DOCK5: variants seen among roughly 807,000 people sequenced by gnomAD.
DOCK5 encodes dedicator of cytokinesis protein 5.
Under a neutral mutation model 251.8 loss-of-function variants are expected in DOCK5, and 142 were observed. The observed-to-expected ratio is 0.56, with a 90% CI of 0.49 to 0.65. The LOEUF (loss-of-function observed/expected upper bound fraction) is 0.65, where lower values mean the gene tolerates loss of function less well. Ranked by LOEUF, DOCK5 falls within the 30% of genes least tolerant of loss-of-function variation. DOCK5 has a pLI of 0.00. For missense variants in DOCK5, 2,111 were observed against 2,312.3 expected (o/e 0.91, Z 1.79); for synonymous variants, 842 against 835.5 (o/e 1.01, Z -0.13).
intron 8 of DOCK5, 120 bp downstream of exon 8, chr8:25,299,221 T>C: frequency 2.6e-6 from 3 of 1,173,630 alleles, no homozygotes; most frequent in Non-Finnish European, 3.5e-6. Flanking sequence ...CATGGAAGAT[T>C]TCTAAGCAGT....
At chr8:25,342,253 C>T (rs1423916580) in intron 24 of DOCK5, 148 bp from the exon 25 acceptor site, 10 of 582,910 alleles carry the variant, frequency 1.7e-5, no homozygotes. Context: ...ATCTCCCTTG[C>T]TGCCATGTCA....
chr8:25,356,035 C>A (rs149561109), intron 27 of DOCK5, among the ~76,000 whole-genome samples: 303 of 132,340 alleles, frequency 2.3e-3, no homozygotes, highest in Middle Eastern at 8.1e-3. Flanking sequence ...TATTAAAATA[C>A]AAAAAAAAAA....
chr8:25,184,728 CGGCGCGGGCACGGGCACG>C lies in DOCK5; in HGVS notation c.-171_-154del, dbSNP rs984705093. 2.8e-4 allele frequency: 88 copies of C among 315,986 alleles called. No homozygotes were observed. The highest frequency in any genetic ancestry group is 1.6e-3 in the African/African-American group (68 of 43,502). The allele number at this position is 315,986 out of a possible 1,614,324, so 19.6% of individuals were successfully genotyped here. On this transcript the variant is annotated 5_prime_UTR_variant, in exon 1 of 52. Transcript: ENST00000276440. ...GCCCGGCCCAGCAGGTGACCGCGGGCGGCGCGGGCACGGGCACGGGCGCGGGCGGCGCGGCGAGGAGGC... is the reference window on the plus strand; with the variant it reads ...GCCCGGCCCAGCAGGTGACCGCGGGCGGCGCGGGCGGCGCGGCGAGGAGGC...
chr8:25,221,202 C>G (rs758169353), intron 1 of DOCK5, among the ~76,000 whole-genome samples: 7 of 152,186 alleles, frequency 4.6e-5, no homozygotes, highest in South Asian at 2.1e-4. Flanking sequence ...TTGTCTTTCT[C>G]TTTCCAAAGG....
At chr8:25,342,140 A>G (rs1000128344) in intron 24 of DOCK5, among the ~76,000 whole-genome samples, 2 of 152,060 alleles carry the variant, frequency 1.3e-5, no homozygotes, top group Non-Finnish European at 2.9e-5. Context: ...CAAGAAAGCC[A>G]TTTTCATAAA....
At chr8:25,222,601 A>G (rs576970326) in intron 1 of DOCK5, among the ~76,000 whole-genome samples, 1 of 152,334 alleles carries the variant, frequency 6.6e-6, no homozygotes, top group South Asian at 2.1e-4. Context: ...ACCAGGAATC[A>G]TAATTATTGC....
At chr8:25,298,081 TACTC>T (rs1026416096) in intron 7 of DOCK5, among the ~76,000 whole-genome samples, 8 of 151,626 alleles carry the variant, frequency 5.3e-5, no homozygotes, top group African/African-American at 1.7e-4. Context: ...AAAAAAAACT[TACTC>T]ATATTTTGAT....
Position 25,308,806 on chromosome 8 carries a change from G to T in DOCK5, c.1073G>T (p.Arg358Leu), listed in dbSNP as rs572079060. The T allele has an allele frequency of 1.2e-6, 2 of 1,613,630 alleles. No homozygotes were observed. The highest frequency in any genetic ancestry group is 2.2e-5 in the South Asian group (2 of 91,060). ...FQQIAMETYIRQRQLIMSPLI... is the reference protein window; with the variant it reads ...FQQIAMETYILQRQLIMSPLI... ...AGAATTGCGATGGAAACCTACATCCGCCAGAGGCAGCTCATCATGTCGCCT... is the reference window on the plus strand; with the variant it reads ...AGAATTGCGATGGAAACCTACATCCTCCAGAGGCAGCTCATCATGTCGCCT... Residue 358 changes from arginine to leucine, a missense_variant, in exon 12 of 52, where the codon CGC (arginine) becomes CTC (leucine). Around this residue, in one of 3 missense-constraint regions of DOCK5, gnomAD observed 1,717 missense variants for 1,892.4 expected, o/e 0.91. Transcript: ENST00000276440.
chr8:25,390,921 G>A (rs907887670), intron 42 of DOCK5, among the ~76,000 whole-genome samples: 2 of 151,866 alleles, frequency 1.3e-5, no homozygotes, highest in African/African-American at 4.8e-5. Context: ...CAATTCTCCT[G>A]CCTCAGCCTC....
In DOCK5 at chr8:25,275,382, G is replaced by A. The variant is rs1266722621; in HGVS notation, c.169-4G>A. 6 of 1,604,336 alleles carry A rather than the reference G, an allele frequency of 3.7e-6. No individual in the cohort carries two copies. Among genetic ancestry groups the A allele is most frequent in the African/African-American group, 1.3e-5 (1 of 74,202 alleles). On this transcript the variant is annotated splice_polypyrimidine_tract_variant and splice_region_variant and intron_variant, in intron 3 of 51. Transcript: ENST00000276440. ...CCATATAACCAAAATTCTTTTCTCT[G>A]TAGGGCATTTTCCCTGAAACATATA...
chr8:25,206,242 G>A (rs1010048567), intron 1 of DOCK5, among the ~76,000 whole-genome samples: 8 of 152,142 alleles, frequency 5.3e-5, no homozygotes, highest in Admixed American at 2.6e-4. Context: ...TGGGTAAAGT[G>A]GAAAAGAGGG....
At chr8:25,209,183 C>T (rs1802074156) in intron 1 of DOCK5, among the ~76,000 whole-genome samples, 1 of 18,600 alleles carries the variant, frequency 5.4e-5, no homozygotes, top group Non-Finnish European at 4.5e-4. Context: ...ACATTAGCGC[C>T]GTCATCCCTG....
chr8:25,194,351 T>A (rs1256652898), intron 1 of DOCK5, among the ~76,000 whole-genome samples: 2 of 152,138 alleles, frequency 1.3e-5, no homozygotes, highest in Admixed American at 1.3e-4. Context: ...TGTTTGTTTT[T>A]GTTCACATAT....
At chr8:25,219,129 A>G (rs1449670517) in intron 1 of DOCK5, among the ~76,000 whole-genome samples, 1 of 151,958 alleles carries the variant, frequency 6.6e-6, no homozygotes, top group Non-Finnish European at 1.5e-5. Flanking sequence ...CTACCTGGCT[A>G]CTTCCCCTCC....
chr8:25,277,265 T>C (rs1804065034), intron 4 of DOCK5: 1 of 153,182 alleles, frequency 6.5e-6, no homozygotes, highest in Admixed American at 6.5e-5. Flanking sequence ...AAACTCATAG[T>C]TAAATGAGAA....
At chr8:25,313,456 G>C (rs1365999074) in intron 13 of DOCK5, among the ~76,000 whole-genome samples, 3 of 152,056 alleles carry the variant, frequency 2.0e-5, no homozygotes, top group Non-Finnish European at 4.4e-5. Flanking sequence ...ACTTTTCTCT[G>C]CTTCTCCATT....
At chr8:25,345,694 T>G (rs987263609) in intron 26 of DOCK5, 83 bp downstream of exon 26, 2 of 1,555,746 alleles carry the variant, frequency 1.3e-6, no homozygotes, top group African/African-American at 2.7e-5. Flanking sequence ...GGCCTTCCTA[T>G]TCTCAGGTAG....
chr8:25,188,305 G>A (rs1283902770), intron 1 of DOCK5, among the ~76,000 whole-genome samples: 1 of 152,208 alleles, frequency 6.6e-6, no homozygotes, highest in African/African-American at 2.4e-5. Context: ...CTTAAATATA[G>A]TTGGGAAAAT....
At position 25,414,527 on chromosome 8, in the gene DOCK5, C is replaced by G. The variant is rs1801679251; in HGVS notation, c.*3229C>G. On this transcript the variant is annotated 3_prime_UTR_variant, in exon 52 of 52. Transcript: ENST00000276440. ...AGACAACAACCTACCTTTGTTTACT[C>G]TTTCCAAGCTGGAAGAGTCCTTCTC... 6.6e-6 allele frequency: 1 copy of G among 152,226 alleles called. No homozygotes were observed. Among genetic ancestry groups the G allele is most frequent in the Admixed American group, 6.5e-5 (1 of 15,280 alleles). The allele number at this position is 152,226 out of a possible 1,614,324, so 9.4% of individuals were successfully genotyped here. A position where few individuals can be genotyped will look rare whatever the true frequency, so the allele number is the denominator to read the frequency against.
Sources: gnomAD v4.1 joint callset for allele counts (sites outside exome capture counted in the v4.1 genomes callset) on GRCh38, gnomAD v4.1.1 for gene constraint, gnomAD v4.1.1 regional missense constraint, MANE v1.5 for transcripts, NCBI Gene and HGNC (gene_info 2026-07-23, HGNC 2026-07-21) for gene names.